The following PHLDB2 variants were observed in gnomAD, a reference collection of about 807,000 sequenced individuals.
PHLDB2 encodes the protein pleckstrin homology like domain family B member 2, also known as pleckstrin homology-like domain family B member 2.
A neutral mutation model predicts 123.6 loss-of-function variants in PHLDB2; 71 were observed. The observed-to-expected ratio is 0.57, with a 90% CI of 0.47 to 0.70. The LOEUF (loss-of-function observed/expected upper bound fraction) is 0.70. Among genes scored for constraint, PHLDB2 ranks in the 30% least tolerant of loss-of-function variants. The pLI, the probability that PHLDB2 is intolerant of heterozygous loss-of-function variation, is 0.00. For missense variants in PHLDB2, 1,446 were observed against 1,519.5 expected (o/e 0.95, Z 0.80); for synonymous variants, 547 against 541.6 (o/e 1.01, Z -0.14).
chr3:111,752,217 TAA>T (rs1346475798), intron 1 of PHLDB2, among the ~76,000 whole-genome samples: 3 of 123,088 alleles, frequency 2.4e-5, no homozygotes, highest in Admixed American at 1.6e-4. Context: ...TGGAAGTTTC[TAA>T]GTGTGTGTGT....
At chr3:111,734,343 G>A (rs564519622) in intron 1 of PHLDB2, among the ~76,000 whole-genome samples, 102 of 152,244 alleles carry the variant, frequency 6.7e-4, no homozygotes, top group Admixed American at 2.8e-3. Flanking sequence ...ACTTTGGAAG[G>A]TGAGGCAGAG....
chr3:111,908,415 C>T (rs1184131676), intron 2 of PHLDB2, among the ~76,000 whole-genome samples: 3 of 152,134 alleles, frequency 2.0e-5, no homozygotes, highest in African/African-American at 4.8e-5. Flanking sequence ...TTAAAAAAAA[C>T]TCCAAGTCTT....
At chr3:111,766,638 G>C (rs905498215) in intron 1 of PHLDB2, among the ~76,000 whole-genome samples, 2 of 152,016 alleles carry the variant, frequency 1.3e-5, no homozygotes, top group East Asian at 3.9e-4. Flanking sequence ...TTACAACATG[G>C]GATAAATTAA....
At chr3:111,780,315 G>GAAGAAGAAGAACAA (rs754733203) in intron 1 of PHLDB2, among the ~76,000 whole-genome samples, 1 of 4,944 alleles carries the variant, frequency 2.0e-4, no homozygotes, top group African/African-American at 5.8e-4. Context: ...AAGAGGAAGA[G>GAAGAAGAAGAACAA]GAAGAGGAAG....
In PHLDB2 at chr3:111,845,354, C is replaced by CAAAA. The variant is rs745585464; in HGVS notation, c.-48-439_-48-436dup. On this transcript the variant is annotated intron_variant, in intron 1 of 17. Coordinates refer to the PHLDB2 transcript ENST00000393923. ...TGGGTGACAGAGCAAGACTCTGTCT[C>CAAAA]AAAAAAAAAAAAAAAAAAAAAAAAA... Among the ~76,000 whole-genome samples the CAAAA allele has an allele frequency of 5.6e-3, 221 of 39,166 alleles. 20 individuals are homozygous for CAAAA. The highest frequency in any genetic ancestry group is 9.4e-3 in the African/African-American group (78 of 8,290). 25.7% of individuals were successfully genotyped at this position (39,166 alleles called of 152,430 possible).
intron 1 of PHLDB2, among the ~76,000 whole-genome samples, chr3:111,800,745 T>C (rs2061345751): frequency 6.6e-6 from 1 of 152,302 alleles, no homozygotes; most frequent in East Asian, 1.9e-4. Context: ...GGACATACAA[T>C]GCAATGAGAG....
chr3:111,973,822 A>T lies in PHLDB2; in HGVS notation c.3621+5A>T. ...CACCTCAAGAATGCTAATAAGGTAAACATCAGTTTTCTAAATTCCTACAAT... is the reference window on the plus strand; with the variant it reads ...CACCTCAAGAATGCTAATAAGGTAATCATCAGTTTTCTAAATTCCTACAAT... On this transcript the variant is annotated splice_donor_5th_base_variant and intron_variant, in intron 17 of 17. Coordinates refer to ENST00000431670, the MANE Select transcript of PHLDB2 (RefSeq NM_001134438.2). 6.5e-7 allele frequency: 1 copy of T among 1,532,346 alleles called. No homozygotes were observed. The highest frequency in any genetic ancestry group is 8.9e-7 in the Non-Finnish European group (1 of 1,117,966). The allele number at this position is 1,532,346 out of a possible 1,614,324, so 94.9% of individuals were successfully genotyped here. A position where few individuals can be genotyped will look rare whatever the true frequency, so the allele number is the denominator to read the frequency against.
At chr3:111,827,761 G>T (rs1344362117) in intron 1 of PHLDB2, among the ~76,000 whole-genome samples, 1 of 150,798 alleles carries the variant, frequency 6.6e-6, no homozygotes, top group Non-Finnish European at 1.5e-5. Flanking sequence ...TTCCTGGGAA[G>T]CTTCATGCTC....
intron 2 of PHLDB2, among the ~76,000 whole-genome samples, chr3:111,911,913 C>T (rs986436455): frequency 3.9e-5 from 6 of 152,120 alleles, no homozygotes; most frequent in African/African-American, 1.4e-4. Context: ...TTTGACTTTT[C>T]TACTTGTTAA....
chr3:111,926,449 C>T (rs574881614), intron 5 of PHLDB2, among the ~76,000 whole-genome samples: 1 of 152,180 alleles, frequency 6.6e-6, no homozygotes, highest in Non-Finnish European at 1.5e-5. Context: ...CTCTTTCTTA[C>T]ATTTCAAAGT....
At chr3:111,954,567 A>G (rs972722781) in intron 12 of PHLDB2, among the ~76,000 whole-genome samples, 10 of 152,214 alleles carry the variant, frequency 6.6e-5, no homozygotes, top group South Asian at 4.1e-4. Context: ...GTAGTAATAC[A>G]TTACATTTAT....
intron 1 of PHLDB2, among the ~76,000 whole-genome samples, chr3:111,739,583 A>AAC (rs55848835): frequency 0.58 from 46,278 of 79,352 alleles, 8,944 homozygotes; most frequent in East Asian, 0.66. Context: ...TAAAAAAAAA[A>AAC]AAAACAAAAC....
intron 1 of PHLDB2, among the ~76,000 whole-genome samples, chr3:111,801,839 G>A (rs551455796): frequency 6.6e-6 from 1 of 151,912 alleles, no homozygotes; most frequent in Admixed American, 6.6e-5. Flanking sequence ...GGACTGGGAG[G>A]AGGGAAGAGT....
chr3:111,945,835 G>A (rs2070265452), intron 9 of PHLDB2, among the ~76,000 whole-genome samples: 1 of 151,650 alleles, frequency 6.6e-6, no homozygotes, highest in African/African-American at 2.4e-5. Context: ...CGCAACTGTT[G>A]TTTCTGCCAT....
rs924595759 is a variant in PHLDB2 at position 111,960,223 on chromosome 3, A to G, written c.2873-1885A>G. 8.2e-6 allele frequency: 6 copies of G among 729,690 alleles called. No individual in the cohort carries two copies. The Admixed American group carries it at 3.1e-4, about 38-fold the overall frequency. 45.2% of individuals were successfully genotyped at this position (729,690 alleles called of 1,614,324 possible). A position where few individuals can be genotyped will look rare whatever the true frequency, so the allele number is the denominator to read the frequency against. Reference sequence around the variant, plus strand: ...GAATTATTTCGCCTTCCTTAAAAAAAGACGCAGCTTCACGCATGTGACTAT... The same window carrying G: ...GAATTATTTCGCCTTCCTTAAAAAAGGACGCAGCTTCACGCATGTGACTAT... On this transcript the variant is annotated intron_variant, in intron 12 of 17. Transcript: ENST00000431670.
intron 2 of PHLDB2, among the ~76,000 whole-genome samples, chr3:111,902,041 A>G (rs2067233093): frequency 6.6e-6 from 1 of 152,158 alleles, no homozygotes; most frequent in Non-Finnish European, 1.5e-5. Flanking sequence ...CAACCTTAAT[A>G]TTTTTTAAAA....
At chr3:111,743,671 A>G (rs1559808062) in intron 1 of PHLDB2, among the ~76,000 whole-genome samples, 1 of 152,170 alleles carries the variant, frequency 6.6e-6, no homozygotes, top group African/African-American at 2.4e-5. Flanking sequence ...AATACTACAC[A>G]TTGTAAGCAG....
At chr3:111,900,542 C>T (rs181034708) in intron 2 of PHLDB2, among the ~76,000 whole-genome samples, 5 of 152,274 alleles carry the variant, frequency 3.3e-5, no homozygotes, top group African/African-American at 1.2e-4. Flanking sequence ...ACAAGTACAA[C>T]ATTTATTAAT....
chr3:111,835,783 A>T (rs996915133), intron 1 of PHLDB2, among the ~76,000 whole-genome samples: 7 of 152,152 alleles, frequency 4.6e-5, no homozygotes, highest in African/African-American at 1.7e-4. Context: ...CACCAGGAAC[A>T]CCTTACATAG....
Sources: gnomAD v4.1 joint callset for allele counts (sites outside exome capture counted in the v4.1 genomes callset) on GRCh38, gnomAD v4.1.1 for gene constraint, MANE v1.5 for transcripts, NCBI Gene and HGNC (gene_info 2026-07-23, HGNC 2026-07-21) for gene names.